Variants in KCNJ6 observed in about 807,000 individuals in gnomAD.
KCNJ6 encodes G protein-activated inward rectifier potassium channel 2.
A neutral mutation model predicts 34.2 loss-of-function variants in KCNJ6; 9 were observed. The ratio of observed to expected loss-of-function variants is 0.26; its 90% CI spans 0.16 to 0.46. KCNJ6 has a LOEUF of 0.46. Ranked by LOEUF, KCNJ6 falls within the 20% of genes least tolerant of loss-of-function variation. The pLI, the probability that KCNJ6 is intolerant of heterozygous loss-of-function variation, is 1.00. For synonymous variants in KCNJ6, 196 were observed against 207.1 expected (o/e 0.95, Z 0.46); for missense variants, 236 against 531.3 (o/e 0.44, Z 5.46).
At chr21:37,770,351 G>T (rs2055112171) in intron 2 of KCNJ6, among the ~76,000 whole-genome samples, 1 of 151,334 alleles carries the variant, frequency 6.6e-6, no homozygotes, top group Non-Finnish European at 1.5e-5. Flanking sequence ...CACTCTAAAA[G>T]AACTGCATGA....
At chr21:37,682,193 C>T (rs529099886) in intron 3 of KCNJ6, among the ~76,000 whole-genome samples, 2 of 152,332 alleles carry the variant, frequency 1.3e-5, no homozygotes, top group African/African-American at 2.4e-5. Flanking sequence ...CATTCCTTCC[C>T]ATTTCTGGAG....
intron 2 of KCNJ6, among the ~76,000 whole-genome samples, chr21:37,800,939 G>A (rs189368588): frequency 9.8e-5 from 15 of 152,320 alleles, no homozygotes; most frequent in African/African-American, 3.6e-4. Flanking sequence ...CTGAACTACA[G>A]GGAACTGGAT....
intron 2 of KCNJ6, among the ~76,000 whole-genome samples, chr21:37,739,557 T>C (rs1012630046): frequency 2.6e-5 from 4 of 152,208 alleles, no homozygotes; most frequent in Admixed American, 2.6e-4. Context: ...GTTGGGGAAT[T>C]GCTGATAAAC....
chr21:37,824,549 T>C (rs2055389697), intron 2 of KCNJ6, among the ~76,000 whole-genome samples: 1 of 152,054 alleles, frequency 6.6e-6, no homozygotes, highest in South Asian at 2.1e-4. Context: ...CATCTGGAAT[T>C]GTAATCCCCA....
intron 1 of KCNJ6, among the ~76,000 whole-genome samples, chr21:37,844,365 A>G (rs574992255): frequency 1.3e-5 from 2 of 152,152 alleles, no homozygotes; most frequent in African/African-American, 4.8e-5. Context: ...CCTACTTTGC[A>G]TATTTTAAAG....
At chr21:37,656,409 G>A (rs73412004) in intron 3 of KCNJ6, among the ~76,000 whole-genome samples, 2,598 of 152,254 alleles carry the variant, frequency 0.017, 78 homozygotes, top group African/African-American at 0.057. Flanking sequence ...GGGCCTTCCC[G>A]GGCTGCAGCT....
chr21:37,729,714 G>A (rs1471267920), intron 2 of KCNJ6, among the ~76,000 whole-genome samples: 3 of 152,214 alleles, frequency 2.0e-5, no homozygotes, highest in East Asian at 1.9e-4. Context: ...CATGTACAGC[G>A]ATATAGGTTG....
chr21:37,900,450 AG>A (rs1203173606), intron 1 of KCNJ6, among the ~76,000 whole-genome samples: 1 of 152,248 alleles, frequency 6.6e-6, no homozygotes, highest in Non-Finnish European at 1.5e-5. Context: ...AACGAACAAA[AG>A]AACTCTACCC....
At chr21:37,709,315 C>T (rs978977335) in intron 3 of KCNJ6, among the ~76,000 whole-genome samples, 2 of 151,978 alleles carry the variant, frequency 1.3e-5, no homozygotes, top group African/African-American at 4.8e-5. Flanking sequence ...AGTTCCAGAC[C>T]AGCCTGACCA....
At chr21:37,688,465 A>T (rs1402134600) in intron 3 of KCNJ6, among the ~76,000 whole-genome samples, 1 of 152,150 alleles carries the variant, frequency 6.6e-6, no homozygotes, top group East Asian at 1.9e-4. Flanking sequence ...CCAGGCAGGA[A>T]TCTCATCAGA....
intron 1 of KCNJ6, among the ~76,000 whole-genome samples, chr21:37,886,931 T>C (rs946252625): frequency 8.6e-5 from 13 of 150,804 alleles, no homozygotes; most frequent in African/African-American, 3.2e-4. Context: ...GATCCAACCT[T>C]GTTTTTTTTT....
Position 37,625,035 on chromosome 21 carries a change from G to A in KCNJ6, c.*124C>T. ...TTACACCTTGAAGATTTGTTTTCTGGTCATGTAAAAATTAAATATAAACAA... is the reference window on the plus strand; with the variant it reads ...TTACACCTTGAAGATTTGTTTTCTGATCATGTAAAAATTAAATATAAACAA... On this transcript the variant is annotated 3_prime_UTR_variant, in exon 4 of 4. Transcript: ENST00000609713. 4 of 739,820 alleles carry A rather than the reference G, an allele frequency of 5.4e-6. No individual in the cohort carries two copies. Among genetic ancestry groups the A allele is most frequent in the Non-Finnish European group, 9.0e-6 (4 of 444,696 alleles). The allele number at this position is 739,820 out of a possible 1,614,324, so 45.8% of individuals were successfully genotyped here. A position where few individuals can be genotyped will look rare whatever the true frequency, so the allele number is the denominator to read the frequency against.
At chr21:37,664,444 T>C (rs1252995823) in intron 3 of KCNJ6, among the ~76,000 whole-genome samples, 3 of 151,954 alleles carry the variant, frequency 2.0e-5, no homozygotes, top group Non-Finnish European at 4.4e-5. Context: ...CCTGATGAGA[T>C]TAATACAGTA....
intron 1 of KCNJ6, among the ~76,000 whole-genome samples, chr21:37,913,408 T>G (rs1298949240): frequency 1.3e-5 from 2 of 152,242 alleles, no homozygotes; most frequent in African/African-American, 4.8e-5. Flanking sequence ...CTGGCTCTCA[T>G]CTTGCTAACA....
intron 3 of KCNJ6, among the ~76,000 whole-genome samples, chr21:37,645,670 G>A (rs929557914): frequency 8.5e-5 from 13 of 152,208 alleles, no homozygotes; most frequent in Non-Finnish European, 1.6e-4. Context: ...TGCCTAGGCT[G>A]CTCTGGGGCT....
chr21:37,820,507 G>A (rs933351686), intron 2 of KCNJ6, among the ~76,000 whole-genome samples: 1 of 152,076 alleles, frequency 6.6e-6, no homozygotes, highest in African/African-American at 2.4e-5. Flanking sequence ...CACTGCATTT[G>A]GATGACACTG....
intron 2 of KCNJ6, among the ~76,000 whole-genome samples, chr21:37,734,690 T>C (rs2054903853): frequency 6.6e-6 from 1 of 151,934 alleles, no homozygotes; most frequent in Non-Finnish European, 1.5e-5. Context: ...GGATCCTATT[T>C]TGCTGGAAGG....
chr21:37,853,846 G>GTGTGTA (rs71198897), intron 1 of KCNJ6, among the ~76,000 whole-genome samples: 14 of 115,982 alleles, frequency 1.2e-4, no homozygotes, highest in Non-Finnish European at 2.2e-4. Context: ...ATATATATAT[G>GTGTGTA]TATATATATA....
At chr21:37,844,743 G>T (rs979379839) in intron 1 of KCNJ6, among the ~76,000 whole-genome samples, 2 of 152,022 alleles carry the variant, frequency 1.3e-5, no homozygotes, top group African/African-American at 4.8e-5. Context: ...ACTCTGCTGG[G>T]CACCAACCAG....
Sources: gnomAD v4.1 joint callset for allele counts (sites outside exome capture counted in the v4.1 genomes callset) on GRCh38, gnomAD v4.1.1 for gene constraint, MANE v1.5 for transcripts, NCBI Gene and HGNC (gene_info 2026-07-23, HGNC 2026-07-21) for gene names.